The following NARF variants were observed in gnomAD, a reference collection of about 807,000 sequenced individuals.
NARF encodes nuclear prelamin A recognition factor, also known as iron-only hydrogenase-like protein 2.
NARF carries 41 observed loss-of-function variants against 48.0 expected under a neutral mutation model. That is an observed-to-expected ratio of 0.85 (90% CI 0.66 to 1.11). NARF has a LOEUF of 1.11. NARF is among the 50% of genes least tolerant of loss of function. The pLI, the probability that NARF is intolerant of heterozygous loss-of-function variation, is 0.00. For synonymous variants in NARF, 215 were observed against 225.5 expected (o/e 0.95, Z 0.42); for missense variants, 613 against 590.2 (o/e 1.04, Z -0.40).
In NARF at chr17:82,488,080, C is replaced by T; in HGVS notation, c.1294C>T (p.Pro432Ser). ...GGAGTGGCTGGAGGGGATCAACTCC[C>T]CCAAGGCCCGAGAGGTGCTGCATAC... ...YQEWLEGINS[P>S]KAREVLHTTY... The change falls in exon 11 of 11, where the codon CCC becomes TCC. Residue 432 changes from proline (P) to serine (S), a missense_variant. Physicochemically the swap from Pro to Ser is moderately conservative, Grantham distance 74 (BLOSUM62 -1). Coordinates refer to ENST00000309794, the MANE Select transcript of NARF (RefSeq NM_012336.4). The T allele has an allele frequency of 6.2e-7, 1 of 1,614,016 alleles. No homozygotes were observed. Among genetic ancestry groups the T allele is most frequent in the African/African-American group, 1.3e-5 (1 of 75,022 alleles).
At chr17:82,482,275 G>A (rs1290985973) in intron 7 of NARF, 1 of 429,684 alleles carries the variant, frequency 2.3e-6, no homozygotes, top group South Asian at 1.6e-5. Flanking sequence ...GACGCCTCTG[G>A]AAAGGTCCCC....
chr17:82,465,015 T>C (rs1173606487), intron 3 of NARF, among the ~76,000 whole-genome samples: 1 of 152,182 alleles, frequency 6.6e-6, no homozygotes, highest in Non-Finnish European at 1.5e-5. Flanking sequence ...CAGAGAGGTT[T>C]AATTGACTCA....
Position 82,484,811 on chromosome 17 carries a change from AG to A in NARF, c.834del, listed in dbSNP as rs774476180. On this transcript the variant is annotated splice_acceptor_variant, in intron 8 of 10. Transcript: ENST00000309794. LOFTEE classifies it high-confidence loss of function. ...GGACTTGTATTTTCTCTGCCTTGTG[AG>A]GTTTGGAGACTTGAAGGAGGACAAA... is the stretch of plus-strand genomic sequence containing the variant. 1 of 1,591,622 alleles carries A rather than the reference AG, an allele frequency of 6.3e-7. No individual in the cohort carries two copies. The highest frequency in any genetic ancestry group is 1.8e-5 in the Admixed American group (1 of 55,924).
chr17:82,480,427 A>G, intron 6 of NARF: 6 of 402,220 alleles, frequency 1.5e-5, no homozygotes, highest in Non-Finnish European at 2.6e-5. Flanking sequence ...AAATGGGCTC[A>G]GCCTTCCCGG....
intron 5 of NARF, among the ~76,000 whole-genome samples, chr17:82,475,711 T>TG (rs1442204031): frequency 1.3e-5 from 2 of 151,476 alleles, no homozygotes; most frequent in African/African-American, 4.8e-5. Flanking sequence ...TTCTCAGAAA[T>TG]GCCGTCACTG....
rs754165548 is a variant in NARF at position 82,472,680 on chromosome 17, C to T, written c.502C>T (p.Leu168=). The change falls in exon 5 of 11, where the codon CTG becomes TTG. Residue 168 remains leucine, a synonymous_variant. Coordinates refer to ENST00000309794, the MANE Select transcript of NARF (RefSeq NM_012336.4). ...TGAGGAGGAACGCACCCTGCCCATG[C>T]TGACCTCTGCCTGTCCTGGTGAGCC... is the stretch of plus-strand genomic sequence containing the variant. ...HSEEERTLPM[L]TSACPGWVRY... 1 of 1,613,448 alleles carries T rather than the reference C, an allele frequency of 6.2e-7. No homozygotes were observed. Among genetic ancestry groups the T allele is most frequent in the East Asian group, 2.2e-5 (1 of 44,820 alleles).
At chr17:82,470,886 G>C (rs1010252167) in intron 4 of NARF, among the ~76,000 whole-genome samples, 2 of 152,090 alleles carry the variant, frequency 1.3e-5, no homozygotes, top group African/African-American at 4.8e-5. Context: ...AATCAGGCCG[G>C]GTGTGGTGGC....
Position 82,485,629 on chromosome 17 carries a change from T to G in NARF, c.1104T>G (p.Phe368Leu), listed in dbSNP as rs1439403289. ...AGAAGGGCAAGTTCCCATTCCACTTTGTGGAGGTCCTCGCCTGTGCTGGAG... is the reference window on the plus strand; with the variant it reads ...AGAAGGGCAAGTTCCCATTCCACTTGGTGGAGGTCCTCGCCTGTGCTGGAG... Reference protein sequence around the residue: ...KLKKGKFPFHFVEVLACAGGC... With the variant: ...KLKKGKFPFHLVEVLACAGGC... Residue 368 changes from phenylalanine to leucine, a missense_variant, in exon 10 of 11, where the codon TTT becomes TTG. By Grantham distance (22) the Phe-to-Leu change is conservative. Coordinates refer to ENST00000309794, the MANE Select transcript of NARF (RefSeq NM_012336.4). 9 of 1,614,138 alleles carry G rather than the reference T, an allele frequency of 5.6e-6. No individual in the cohort carries two copies. Among genetic ancestry groups the G allele is most frequent in the Non-Finnish European group, 7.6e-6 (9 of 1,180,028 alleles).
At chr17:82,476,309 T>C (rs2043830499) in intron 5 of NARF, among the ~76,000 whole-genome samples, 1 of 151,708 alleles carries the variant, frequency 6.6e-6, no homozygotes, top group Admixed American at 6.6e-5. Context: ...GCCCGGCTAA[T>C]TTTTGTATTT....
intron 10 of NARF, among the ~76,000 whole-genome samples, chr17:82,487,516 C>CG (rs2044122369): frequency 2.0e-5 from 3 of 151,876 alleles, no homozygotes. Flanking sequence ...GAGAGGCACA[C>CG]GGGGCTGTGA....
chr17:82,474,030 C>CA (rs922181708), intron 5 of NARF, among the ~76,000 whole-genome samples: 5 of 150,242 alleles, frequency 3.3e-5, no homozygotes, highest in African/African-American at 4.9e-5. Context: ...CAAAAAAAAA[C>CA]AAAAAAAAGC....
At chr17:82,474,601 T>C (rs1190802003) in intron 5 of NARF, among the ~76,000 whole-genome samples, 2 of 152,222 alleles carry the variant, frequency 1.3e-5, no homozygotes, top group African/African-American at 2.4e-5. Flanking sequence ...CACGTTTCAG[T>C]TCTTAATTTA....
chr17:82,484,681 A>G (rs1354430203), intron 8 of NARF, 132 bp from the exon 9 acceptor site: 1 of 1,136,450 alleles, frequency 8.8e-7, no homozygotes, highest in Non-Finnish European at 1.2e-6. Context: ...TGCAAAGTTT[A>G]AACATCTGTA....
chr17:82,460,329 G>A (rs1048574133), intron 2 of NARF: 2 of 292,466 alleles, frequency 6.8e-6, no homozygotes, highest in African/African-American at 2.2e-5. Context: ...TCCAGGTATG[G>A]TGGTGTACGC....
intron 10 of NARF, among the ~76,000 whole-genome samples, chr17:82,487,009 G>C (rs565218109): frequency 4.2e-4 from 64 of 152,328 alleles, no homozygotes; most frequent in Non-Finnish European, 7.9e-4. Context: ...ACACTAACAC[G>C]TGTGGTGCAG....
chr17:82,471,999 A>G (rs530157909), intron 4 of NARF, among the ~76,000 whole-genome samples: 17 of 152,248 alleles, frequency 1.1e-4, no homozygotes, highest in Admixed American at 9.8e-4. Context: ...GAGAGAACAT[A>G]CATATTTCAT....
chr17:82,459,776 G>A (rs1031671861), intron 1 of NARF, among the ~76,000 whole-genome samples: 3 of 152,168 alleles, frequency 2.0e-5, no homozygotes, highest in African/African-American at 7.2e-5. Context: ...GGCCGAGGCA[G>A]GAGAATCGCT....
At chr17:82,478,626 C>A in intron 5 of NARF, 174 bp from the exon 6 acceptor site, 3 of 703,734 alleles carry the variant, frequency 4.3e-6, no homozygotes, top group Non-Finnish European at 7.6e-6. Flanking sequence ...GACCCACAGC[C>A]GGGCCACCGA....
chr17:82,479,086 G>A lies in NARF; in HGVS notation c.639+168G>A, dbSNP rs556178226. 8 of 567,804 alleles carry A rather than the reference G, an allele frequency of 1.4e-5. No homozygotes were observed. The East Asian group carries it at 1.6e-4, about 11-fold the overall frequency. The allele number at this position is 567,804 out of a possible 1,614,324, so 35.2% of individuals were successfully genotyped here. A position where few individuals can be genotyped will look rare whatever the true frequency, so the allele number is the denominator to read the frequency against. ...ATCAGCAGTGCTGTTTCTCACCAAC[G>A]CCCGTCTCTATTCCTCCCTTCCTCT... On this transcript the variant is annotated intron_variant, in intron 6 of 10. Coordinates refer to ENST00000309794, the MANE Select transcript of NARF (RefSeq NM_012336.4).
Sources: allele counts gnomAD v4.1 joint callset (sites outside exome capture counted in the v4.1 genomes callset), GRCh38; gene constraint gnomAD v4.1.1; transcripts MANE v1.5; gene names NCBI Gene and HGNC (gene_info 2026-07-23, HGNC 2026-07-21).